The following DHRS11 variants were observed in gnomAD, a reference collection of about 807,000 sequenced individuals.
The protein encoded by DHRS11 is dehydrogenase/reductase SDR family member 11.
A neutral mutation model predicts 30.7 loss-of-function variants in DHRS11; 18 were observed. The ratio of observed to expected loss-of-function variants is 0.59; its 90% CI spans 0.41 to 0.87. The LOEUF (loss-of-function observed/expected upper bound fraction) is 0.87, where lower values mean the gene tolerates loss of function less well. DHRS11 is among the 40% of genes least tolerant of loss of function. The pLI is 0.00. For synonymous variants in DHRS11, 123 were observed against 139.6 expected, an observed-to-expected ratio of 0.88 and a Z score of 0.84; for missense variants, 300 against 349.0, an observed-to-expected ratio of 0.86 and a Z score of 1.12.
rs78203020 is a variant in DHRS11, at chr17:36,600,093, G to T, written c.741+56G>T. 769 of 1,613,940 alleles carry T rather than the reference G, an allele frequency of 4.8e-4. 2 individuals carry two copies. The African/African-American group carries it at 8.3e-3, about 17-fold the overall frequency. Reference sequence around the variant, plus strand: ...GAGGAACCCAACCAGCCCCAGAGGAGGGGAGCAGGGAGCCCTGCAGGGCCA... The same window carrying T: ...GAGGAACCCAACCAGCCCCAGAGGATGGGAGCAGGGAGCCCTGCAGGGCCA... On this transcript the variant is annotated intron_variant, in intron 6 of 6. Transcript: ENST00000618403.
Position 36,599,820 on chromosome 17 carries a change from G to A in DHRS11, c.675+57G>A. 3.7e-6 allele frequency: 6 copies of A among 1,602,688 alleles called. No individual in the cohort carries two copies. The South Asian group carries it at 5.5e-5, about 15-fold the overall frequency. On this transcript the variant is annotated intron_variant, in intron 5 of 6. Coordinates refer to ENST00000618403, the MANE Select transcript of DHRS11 (RefSeq NM_024308.4). ...CTGACTCCCTAAATGAAGGCAGAGG[G>A]AAGCTCGGCCTTCAGACTCCACTCT...
intron 2 of DHRS11, among the ~76,000 whole-genome samples, chr17:36,595,410 C>CTTTTTTTTTTT (rs34424724): frequency 1.9e-5 from 1 of 51,640 alleles, no homozygotes; most frequent in Non-Finnish European, 3.3e-5. Context: ...GGAGGTAGTT[C>CTTTTTTTTTTT]TTTTTTTTTT....
chr17:36,594,997 A>T lies in DHRS11; in HGVS notation c.174A>T (p.Ala58=), dbSNP rs1270670771. The T allele has an allele frequency of 1.2e-6, 2 of 1,614,192 alleles. No homozygotes were observed. The highest frequency in any genetic ancestry group is 1.7e-6 in the Non-Finnish European group (2 of 1,180,006). The stretch of plus-strand genomic sequence containing the variant: ...AGCTGGCTGCTGAATGTAAGAGTGC[A>T]GGCTACCCCGGGACTTTGATCCCCT... ...IEELAAECKS[A]GYPGTLIPYR... is the part of the protein sequence containing the mutation. Residue 58 remains alanine (A), a synonymous_variant, in exon 2 of 7, where the codon GCA becomes GCT. Transcript: ENST00000618403.
At chr17:36,599,624 G>A in intron 4 of DHRS11, 47 bp from the exon 5 acceptor site, 1 of 1,604,558 alleles carries the variant, frequency 6.2e-7, no homozygotes, top group South Asian at 1.1e-5. Flanking sequence ...ACCTCCCCAA[G>A]ACCTGGCAAA....
chr17:36,596,925 A>G (rs1345985475), intron 2 of DHRS11: 2 of 467,824 alleles, frequency 4.3e-6, no homozygotes, highest in South Asian at 1.6e-5. Context: ...CCTCACCCAC[A>G]GCACATGGGT....
intron 5 of DHRS11, 96 bp downstream of exon 5, chr17:36,599,859 GCTC>G (rs1430946162): frequency 5.7e-6 from 9 of 1,586,232 alleles, no homozygotes; most frequent in South Asian, 3.3e-5. Flanking sequence ...AGCCTTTGTG[GCTC>G]CTCCTGGAGG....
intron 3 of DHRS11, 82 bp from the exon 4 acceptor site, chr17:36,598,839 G>A (rs938336822): frequency 6.5e-7 from 1 of 1,529,930 alleles, no homozygotes; most frequent in African/African-American, 1.4e-5. Context: ...CTGGGTGGTG[G>A]GGCTGACCGG....
chr17:36,596,360 T>C (rs35258073), intron 2 of DHRS11: 59,099 of 152,594 alleles, frequency 0.39, 11,812 homozygotes, highest in Middle Eastern at 0.48. Flanking sequence ...TGGGGTTTCA[T>C]CATGTTGGCC....
chr17:36,596,234 C>T (rs981987467), intron 2 of DHRS11: 27 of 152,034 alleles, frequency 1.8e-4, no homozygotes, highest in African/African-American at 6.5e-4. Context: ...GATCTTGGCT[C>T]ACTGCAACCT....
intron 2 of DHRS11, 84 bp from the exon 3 acceptor site, chr17:36,598,079 C>G: frequency 7.1e-7 from 1 of 1,401,300 alleles, no homozygotes; most frequent in South Asian, 1.2e-5. Context: ...CACACTGCCC[C>G]CTTCCCCCCT....
rs766784719 is a variant in DHRS11 at position 36,591,901 on chromosome 17, C to T, written c.-109C>T. On this transcript the variant is annotated 5_prime_UTR_variant, in exon 1 of 7. Coordinates refer to ENST00000618403, the MANE Select transcript of DHRS11 (RefSeq NM_024308.4). ...GCCGGGACTCTGGTGGGTCTAGGCG[C>T]GGATCGGACCCAAGCAGGTCGGCGG... The T allele has an allele frequency of 8.8e-7, 1 of 1,138,950 alleles. No individual in the cohort carries two copies. Among genetic ancestry groups the T allele is most frequent in the Non-Finnish European group, 1.1e-6 (1 of 908,754 alleles). 70.6% of individuals were successfully genotyped at this position (1,138,950 alleles called of 1,614,324 possible). A position where few individuals can be genotyped will look rare whatever the true frequency, so the allele number is the denominator to read the frequency against.
chr17:36,599,010 G>A lies in DHRS11; in HGVS notation c.542G>A (p.Arg181Lys), dbSNP rs2074834308. 1 of 1,613,208 alleles carries A rather than the reference G, an allele frequency of 6.2e-7. No individual in the cohort carries two copies. Among genetic ancestry groups the A allele is most frequent in the South Asian group, 1.1e-5 (1 of 91,078 alleles). Residue 181 changes from arginine to lysine, a missense_variant, in exon 4 of 7, where the codon AGG becomes AAG. By Grantham distance (26) the Arg-to-Lys change is conservative. Transcript: ENST00000618403. Reference protein sequence around the residue: ...YAVTALTEGLRQELREAQTHI... With the variant: ...YAVTALTEGLKQELREAQTHI... The stretch of plus-strand genomic sequence containing the variant: ...GTCACTGCGCTGACAGAGGGACTGA[G>A]GCAAGAGCTTCGGGAGGCCCAGACC...
intron 2 of DHRS11, chr17:36,597,644 GA>G: frequency 5.7e-6 from 1 of 175,768 alleles, no homozygotes; most frequent in Non-Finnish European, 1.2e-5. Context: ...AGGGGATGGG[GA>G]AGGAGCAGAG....
chr17:36,599,618 C>G, intron 4 of DHRS11, 53 bp from the exon 5 acceptor site: 1 of 1,597,434 alleles, frequency 6.3e-7, no homozygotes, highest in South Asian at 1.1e-5. Flanking sequence ...CCCTCGACCT[C>G]CCCAAGACCT....
At position 36,594,954 on chromosome 17, in the gene DHRS11, CCT is replaced by C; in HGVS notation, c.148-16_148-15del. ...GTGAGCTGCTCACCCCAGTCAGACCCCTGTTGGGTTTCATAGGAGCTGGCTGC... is the reference window on the plus strand; with the variant it reads ...GTGAGCTGCTCACCCCAGTCAGACCCGTTGGGTTTCATAGGAGCTGGCTGC... On this transcript the variant is annotated splice_polypyrimidine_tract_variant and intron_variant, in intron 1 of 6. Coordinates refer to ENST00000618403, the MANE Select transcript of DHRS11 (RefSeq NM_024308.4). The C allele has an allele frequency of 9.3e-6, 15 of 1,613,978 alleles. No homozygotes were observed. Among genetic ancestry groups the C allele is most frequent in the Non-Finnish European group, 1.3e-5 (15 of 1,179,998 alleles).
chr17:36,595,992 A>G (rs1048080254), intron 2 of DHRS11, among the ~76,000 whole-genome samples: 5 of 152,136 alleles, frequency 3.3e-5, no homozygotes, highest in African/African-American at 9.7e-5. Flanking sequence ...CACCTCTATC[A>G]TCAATATCTG....
intron 2 of DHRS11, chr17:36,596,713 C>A: frequency 1.3e-5 from 6 of 463,908 alleles, no homozygotes; most frequent in South Asian, 9.4e-5. Context: ...GGGTTTTCAA[C>A]TTCTGGATGG....
chr17:36,596,577 G>A (rs1210792534), intron 2 of DHRS11: 1 of 303,202 alleles, frequency 3.3e-6, no homozygotes, highest in African/African-American at 2.2e-5. Context: ...TTATTCTCTG[G>A]TATGGCTTGA....
At chr17:36,593,652 T>C (rs946641312) in intron 1 of DHRS11, among the ~76,000 whole-genome samples, 3 of 152,208 alleles carry the variant, frequency 2.0e-5, no homozygotes, top group Admixed American at 1.3e-4. Context: ...TTTCTGATTC[T>C]CAGAGGACTA....
Sources: allele counts gnomAD v4.1 joint callset (sites outside exome capture counted in the v4.1 genomes callset), GRCh38; gene constraint gnomAD v4.1.1; transcripts MANE v1.5; gene names NCBI Gene and HGNC (gene_info 2026-07-23, HGNC 2026-07-21).